The following WWP2 variants were observed in gnomAD, a reference collection of about 807,000 sequenced individuals.
The protein encoded by WWP2 is WW domain containing E3 ubiquitin protein ligase 2, also known as NEDD4-like E3 ubiquitin-protein ligase WWP2.
Under a neutral mutation model 121.0 loss-of-function variants are expected in WWP2, and 57 were observed. That is an observed-to-expected ratio of 0.47 (90% CI 0.38 to 0.59). The LOEUF is 0.59. WWP2 is among the 20% of genes least tolerant of loss of function. WWP2 has a pLI of 0.00. For missense variants in WWP2, 962 were observed against 1,158.9 expected (o/e 0.83, Z 2.47); for synonymous variants, 449 against 441.3 (o/e 1.02, Z -0.22).
At chr16:69,767,418 T>C (rs1023372319) in intron 1 of WWP2, among the ~76,000 whole-genome samples, 1 of 152,210 alleles carries the variant, frequency 6.6e-6, no homozygotes, top group Non-Finnish European at 1.5e-5. Context: ...TTCTACCACT[T>C]ATCATTAGTG....
intron 1 of WWP2, among the ~76,000 whole-genome samples, chr16:69,773,835 G>A (rs1479318754): frequency 6.6e-6 from 1 of 152,016 alleles, no homozygotes; most frequent in East Asian, 1.9e-4. Flanking sequence ...CATTTTTTTA[G>A]TTCAGCCAAA....
chr16:69,933,135 G>A (rs774942338), intron 16 of WWP2: 6 of 509,814 alleles, frequency 1.2e-5, no homozygotes, highest in Admixed American at 4.1e-5. Flanking sequence ...GTTACGTCAT[G>A]CTGTTCTACC....
rs2058622594 is a variant in WWP2, at chr16:69,925,226, C to CT, written c.1180-198dup. 4.2e-6 allele frequency: 6 copies of CT among 1,437,290 alleles called. No homozygotes were observed. Among genetic ancestry groups the CT allele is most frequent in the Non-Finnish European group, 5.5e-6 (6 of 1,097,054 alleles). The allele number at this position is 1,437,290 out of a possible 1,614,324, so 89.0% of individuals were successfully genotyped here. ...ACTTGGGCCCTCCGTGCGCAGGGTT[C>CT]TTTTTTGGTTTTTCTGTAAAAATCA... On this transcript the variant is annotated intron_variant, in intron 10 of 23. Transcript: ENST00000359154. This position sits in a 1 kb window ranked among gnomAD's most constrained non-coding sequence, Gnocchi z 4.0.
chr16:69,770,976 A>G (rs891376141), intron 1 of WWP2, among the ~76,000 whole-genome samples: 1 of 151,986 alleles, frequency 6.6e-6, no homozygotes, highest in Non-Finnish European at 1.5e-5. Flanking sequence ...CTATTAAAAA[A>G]AAAAAAAAAA....
intron 1 of WWP2, among the ~76,000 whole-genome samples, chr16:69,767,262 G>T (rs1226826448): frequency 1.3e-5 from 2 of 152,118 alleles, no homozygotes; most frequent in South Asian, 2.1e-4. Flanking sequence ...TTTCAAACAT[G>T]TATTGAATGC....
chr16:69,842,632 C>T (rs143077444), intron 6 of WWP2, among the ~76,000 whole-genome samples: 44 of 152,234 alleles, frequency 2.9e-4, no homozygotes, highest in East Asian at 1.2e-3. Flanking sequence ...CTCCACTCTC[C>T]GGCTATATTC....
At chr16:69,763,542 T>A (rs2038663093) in intron 1 of WWP2, among the ~76,000 whole-genome samples, 1 of 152,206 alleles carries the variant, frequency 6.6e-6, no homozygotes, top group African/African-American at 2.4e-5. Flanking sequence ...GTATTATGAG[T>A]TCAAGTTTTT....
At chr16:69,915,124 A>C (rs1482957849) in intron 9 of WWP2, among the ~76,000 whole-genome samples, 1 of 152,226 alleles carries the variant, frequency 6.6e-6, no homozygotes, top group Non-Finnish European at 1.5e-5. Flanking sequence ...CTGCCAGGCC[A>C]CCTGTCCCGT....
At chr16:69,850,800 G>A (rs969272386) in intron 6 of WWP2, among the ~76,000 whole-genome samples, 3 of 152,080 alleles carry the variant, frequency 2.0e-5, no homozygotes, top group Non-Finnish European at 4.4e-5. Flanking sequence ...CTGCTTTTTT[G>A]TTGGTGTTCT....
intron 4 of WWP2, among the ~76,000 whole-genome samples, chr16:69,826,145 T>G (rs1432306647): frequency 1.3e-5 from 2 of 151,436 alleles, no homozygotes; most frequent in South Asian, 4.2e-4. Flanking sequence ...TGGGTGCCTA[T>G]AATCCTAGCT....
intron 7 of WWP2, among the ~76,000 whole-genome samples, chr16:69,874,641 C>T (rs987912383): frequency 7.2e-5 from 11 of 152,192 alleles, no homozygotes; most frequent in South Asian, 2.1e-4. Flanking sequence ...AAGAAATAGA[C>T]GAATGGCATA....
In WWP2 at chr16:69,797,396, G is replaced by T. The variant is rs142418591; in HGVS notation, c.71-1286G>T. 2.2e-3 allele frequency among the ~76,000 whole-genome samples: 335 copies of T among 152,240 alleles called. 2 individuals are homozygous for T. The highest frequency in any genetic ancestry group is 5.6e-3 in the South Asian group (27 of 4,818). ...ACCGGCCGGGTGCACAGTCTGGCTTGTAGCTCCCTGGCTATGTAGAGTGGG... is the reference window on the plus strand; with the variant it reads ...ACCGGCCGGGTGCACAGTCTGGCTTTTAGCTCCCTGGCTATGTAGAGTGGG... On this transcript the variant is annotated intron_variant, in intron 2 of 23. Transcript: ENST00000359154.
intron 7 of WWP2, among the ~76,000 whole-genome samples, chr16:69,887,641 A>G (rs1484388510): frequency 6.6e-6 from 1 of 152,064 alleles, no homozygotes; most frequent in Non-Finnish European, 1.5e-5. Context: ...CCTGACCTCA[A>G]GTGATCCGCC....
At chr16:69,890,388 T>G (rs1175132262) in intron 8 of WWP2, among the ~76,000 whole-genome samples, 2 of 152,172 alleles carry the variant, frequency 1.3e-5, no homozygotes, top group Non-Finnish European at 2.9e-5. Context: ...TTTTGTGAGG[T>G]TTTTGATTTT....
intron 6 of WWP2, among the ~76,000 whole-genome samples, chr16:69,860,853 A>G (rs993642671): frequency 2.0e-5 from 3 of 148,058 alleles, no homozygotes; most frequent in African/African-American, 7.8e-5. Flanking sequence ...AAAAAAAAAA[A>G]GGAAAGAAAG....
chr16:69,908,226 C>G (rs2058325218), intron 8 of WWP2, among the ~76,000 whole-genome samples: 1 of 152,096 alleles, frequency 6.6e-6, no homozygotes, highest in Non-Finnish European at 1.5e-5. Context: ...GCCTGGGCAA[C>G]AGAGTGAGAC....
intron 4 of WWP2, among the ~76,000 whole-genome samples, chr16:69,825,161 A>G (rs1387479299): frequency 6.6e-6 from 1 of 152,014 alleles, no homozygotes; most frequent in Non-Finnish European, 1.5e-5. Context: ...GCAGTGGCTC[A>G]CACCTGTAAT....
At chr16:69,769,540 G>A (rs4247109) in intron 1 of WWP2, among the ~76,000 whole-genome samples, 131,208 of 152,134 alleles carry the variant, frequency 0.86, 56,831 homozygotes, top group Admixed American at 0.92. Flanking sequence ...TCTCAAGATC[G>A]GTGTTCACTG....
chr16:69,924,516 C>G (rs184845067), intron 10 of WWP2, among the ~76,000 whole-genome samples: 2 of 152,142 alleles, frequency 1.3e-5, no homozygotes, highest in Non-Finnish European at 2.9e-5. Flanking sequence ...CCCCCTTCCC[C>G]GCAGGATATG....
Sources: gnomAD v4.1 joint callset for allele counts (sites outside exome capture counted in the v4.1 genomes callset) on GRCh38, gnomAD v4.1.1 for gene constraint, Gnocchi (gnomAD v3.1) non-coding constraint, MANE v1.5 for transcripts, NCBI Gene and HGNC (gene_info 2026-07-23, HGNC 2026-07-21) for gene names.